IGBP1C: variants seen among roughly 807,000 people sequenced by gnomAD.
IGBP1C encodes IGBP1 family member C, also known as immunoglobulin-binding protein 1 family member C.
At chr17:58,678,818 T>TATA in the IGBP1C span, among the ~76,000 whole-genome samples, 26,491 of 137,074 alleles carry the variant, frequency 0.19, 2,957 homozygotes, top group Admixed American at 0.26. Context: ...GAACTTAAAG[T>TATA]ATAATAATAA....
At chr17:58,681,759 C>T in the IGBP1C span, among the ~76,000 whole-genome samples, 1 of 151,792 alleles carries the variant, frequency 6.6e-6, no homozygotes, top group Non-Finnish European at 1.5e-5. Context: ...AGGAGAATCG[C>T]TTGAACCTGA....
chr17:58,682,776 G>T, the IGBP1C span, among the ~76,000 whole-genome samples: 3 of 152,130 alleles, frequency 2.0e-5, no homozygotes, highest in Admixed American at 1.3e-4. Context: ...CAAAATATCT[G>T]TTCAAGGGAG....
the IGBP1C span, chr17:58,677,710 C>T: frequency 8.1e-6 from 1 of 123,296 alleles, no homozygotes; most frequent in Non-Finnish European, 1.7e-5. Context: ...CCTTTGTGGT[C>T]AGGGTATCTT....
At chr17:58,678,287 A>C in the IGBP1C span, among the ~76,000 whole-genome samples, 1 of 152,192 alleles carries the variant, frequency 6.6e-6, no homozygotes, top group Admixed American at 6.5e-5. Context: ...AGGATCTAGA[A>C]CTAGAAATAC....
chr17:58,690,503 T>C, the IGBP1C span, among the ~76,000 whole-genome samples: 1 of 152,126 alleles, frequency 6.6e-6, no homozygotes. Flanking sequence ...ACGAAAGAAA[T>C]TCTAAACACG....
At chr17:58,682,659 C>A in the IGBP1C span, among the ~76,000 whole-genome samples, 1 of 152,190 alleles carries the variant, frequency 6.6e-6, no homozygotes, top group Non-Finnish European at 1.5e-5. Context: ...TAGGCGTGAG[C>A]CACCATGCCC....
the IGBP1C span, among the ~76,000 whole-genome samples, chr17:58,670,116 T>C: frequency 6.6e-6 from 1 of 152,202 alleles, no homozygotes; most frequent in South Asian, 2.1e-4. Flanking sequence ...CTAACTTCTC[T>C]TCCCACGCTG....
At chr17:58,690,956 G>A in the IGBP1C span, among the ~76,000 whole-genome samples, 1 of 152,002 alleles carries the variant, frequency 6.6e-6, no homozygotes, top group Non-Finnish European at 1.5e-5. Context: ...CAGGCTGAAG[G>A]GATCCTCCCA....
chr17:58,683,436 C>T, the IGBP1C span, among the ~76,000 whole-genome samples: 1 of 150,978 alleles, frequency 6.6e-6, no homozygotes, highest in Non-Finnish European at 1.5e-5. Flanking sequence ...CATATAAAAT[C>T]TTTATAAACT....
chr17:58,664,274 C>A, the IGBP1C span, among the ~76,000 whole-genome samples: 1 of 152,174 alleles, frequency 6.6e-6, no homozygotes, highest in Non-Finnish European at 1.5e-5. Flanking sequence ...GCCAGGCTGA[C>A]CACAGCTCTG....
the IGBP1C span, among the ~76,000 whole-genome samples, chr17:58,662,647 C>T: frequency 6.6e-6 from 1 of 152,174 alleles, no homozygotes; most frequent in Non-Finnish European, 1.5e-5. Flanking sequence ...TGTCCTAAGA[C>T]ATGCCCCTCA....
chr17:58,666,649 G>A, the IGBP1C span: 7 of 152,062 alleles, frequency 4.6e-5, no homozygotes, highest in East Asian at 9.6e-4. Flanking sequence ...GCCACACACA[G>A]GGAAAAACCA....
chr17:58,663,306 C>T, the IGBP1C span, among the ~76,000 whole-genome samples: 2 of 149,200 alleles, frequency 1.3e-5, no homozygotes, highest in Non-Finnish European at 3.0e-5. Context: ...CCTGTAATCC[C>T]AGCTACTTGG....
chr17:58,690,785 C>T, the IGBP1C span, among the ~76,000 whole-genome samples: 4 of 152,134 alleles, frequency 2.6e-5, no homozygotes, highest in Non-Finnish European at 4.4e-5. Context: ...ATTCTCCCCG[C>T]CAGTAGGGAC....
the IGBP1C span, among the ~76,000 whole-genome samples, chr17:58,670,448 T>G: frequency 6.7e-6 from 1 of 149,448 alleles, no homozygotes; most frequent in African/African-American, 2.5e-5. Flanking sequence ...ACAAACAGCT[T>G]TGGGAAGGTA....
chr17:58,689,207 G>A, the IGBP1C span, among the ~76,000 whole-genome samples: 9 of 150,442 alleles, frequency 6.0e-5, no homozygotes, highest in South Asian at 2.1e-4. Flanking sequence ...TGAAACAGGC[G>A]TGAGACATCA....
chr17:58,660,761 C>A, the IGBP1C span: 1 of 781,288 alleles, frequency 1.3e-6, no homozygotes, highest in South Asian at 1.3e-5. Flanking sequence ...TGGTAACACT[C>A]CATGTTTCTG....
chr17:58,666,406 G>C, the IGBP1C span: 4 of 136,122 alleles, frequency 2.9e-5, no homozygotes, highest in Non-Finnish European at 6.1e-5. Context: ...CATGAATTCG[G>C]ATGCCACTGC....
At chr17:58,678,848 AATAAT>A in the IGBP1C span, among the ~76,000 whole-genome samples, 1 of 148,338 alleles carries the variant, frequency 6.7e-6, no homozygotes, top group African/African-American at 2.5e-5. Context: ...TAATAATAAT[AATAAT>A]AAAAGAGAAG....
Sources: allele counts gnomAD v4.1 joint callset (sites outside exome capture counted in the v4.1 genomes callset), GRCh38; gene constraint gnomAD v4.1.1; transcripts MANE v1.5; gene names NCBI Gene and HGNC (gene_info 2026-07-23, HGNC 2026-07-21).